The following PIP5K1B variants were observed in gnomAD, a reference collection of about 807,000 sequenced individuals.
PIP5K1B encodes the protein phosphatidylinositol-4-phosphate 5-kinase type 1 beta.
In PIP5K1B, 42 loss-of-function variants were observed where a neutral mutation model predicts 67.0. That is an observed-to-expected ratio of 0.63 (90% CI 0.49 to 0.81). The LOEUF is 0.81. Among genes scored for constraint, PIP5K1B ranks in the 30% least tolerant of loss-of-function variants. The pLI is 0.00. For synonymous variants in PIP5K1B, 214 were observed against 231.4 expected (o/e 0.92, Z 0.68); for missense variants, 459 against 646.3 (o/e 0.71, Z 3.14).
At chr9:68,964,336 G>T (rs1450954247) in intron 14 of PIP5K1B, among the ~76,000 whole-genome samples, 1 of 152,172 alleles carries the variant, frequency 6.6e-6, no homozygotes, top group Non-Finnish European at 1.5e-5. Context: ...AGAAGTAAAG[G>T]CCCCTAAGGG....
chr9:68,756,148 A>G (rs1305408188), intron 2 of PIP5K1B, among the ~76,000 whole-genome samples: 2 of 152,182 alleles, frequency 1.3e-5, no homozygotes, highest in Non-Finnish European at 2.9e-5. Flanking sequence ...GCCTTTGGCC[A>G]TGTGTTATTT....
chr9:68,950,520 G>T (rs1445213673), intron 14 of PIP5K1B, among the ~76,000 whole-genome samples: 3 of 152,022 alleles, frequency 2.0e-5, no homozygotes, highest in Non-Finnish European at 4.4e-5. Flanking sequence ...TTTCCCTTTG[G>T]CCCAACCACT....
At chr9:68,724,128 G>A (rs985147846) in intron 1 of PIP5K1B, among the ~76,000 whole-genome samples, 1 of 151,916 alleles carries the variant, frequency 6.6e-6, no homozygotes, top group African/African-American at 2.4e-5. Flanking sequence ...TAAAGAAACT[G>A]TCCTTTCCCC....
intron 2 of PIP5K1B, among the ~76,000 whole-genome samples, chr9:68,768,638 A>C (rs1830544141): frequency 6.6e-6 from 1 of 152,212 alleles, no homozygotes; most frequent in Non-Finnish European, 1.5e-5. Flanking sequence ...TTTGTTTTTT[A>C]GTTCAACATC....
chr9:68,920,826 A>ACACACACG (rs1775232588), intron 11 of PIP5K1B, among the ~76,000 whole-genome samples: 1 of 151,592 alleles, frequency 6.6e-6, no homozygotes, highest in East Asian at 1.9e-4. Context: ...ACACACACAC[A>ACACACACG]CACACGCAGT....
chr9:68,793,177 A>C (rs1832093799), intron 2 of PIP5K1B, among the ~76,000 whole-genome samples: 1 of 99,952 alleles, frequency 1.0e-5, no homozygotes, highest in Non-Finnish European at 2.4e-5. Context: ...GAAGGGAAAA[A>C]TAGTTAGAGG....
At chr9:68,939,801 A>G (rs1029702525) in intron 13 of PIP5K1B, among the ~76,000 whole-genome samples, 2 of 152,224 alleles carry the variant, frequency 1.3e-5, no homozygotes, top group Non-Finnish European at 2.9e-5. Context: ...GTCGGTTTAT[A>G]TTTACACACT....
chr9:68,771,658 G>A (rs1219247452), intron 2 of PIP5K1B, among the ~76,000 whole-genome samples: 1 of 152,162 alleles, frequency 6.6e-6, no homozygotes, highest in Non-Finnish European at 1.5e-5. Flanking sequence ...CTCTGGCTGG[G>A]TGTGAACTAC....
intron 1 of PIP5K1B, among the ~76,000 whole-genome samples, chr9:68,711,302 T>C (rs571073139): frequency 2.2e-4 from 33 of 152,228 alleles, no homozygotes; most frequent in Non-Finnish European, 4.1e-4. Context: ...CATTGTGCTC[T>C]CTGGATCACT....
chr9:68,951,028 G>C (rs1344471986), intron 14 of PIP5K1B, among the ~76,000 whole-genome samples: 1 of 152,174 alleles, frequency 6.6e-6, no homozygotes, highest in Non-Finnish European at 1.5e-5. Flanking sequence ...TGATAGTTAT[G>C]GGTGCAGGAG....
chr9:68,996,578 A>G (rs780250690), intron 15 of PIP5K1B, among the ~76,000 whole-genome samples: 4 of 152,232 alleles, frequency 2.6e-5, no homozygotes, highest in Non-Finnish European at 4.4e-5. Flanking sequence ...AGTCTTCATA[A>G]TAGAGCAAGA....
chr9:68,885,277 G>A (rs2132358905), intron 6 of PIP5K1B, among the ~76,000 whole-genome samples: 1 of 152,284 alleles, frequency 6.6e-6, no homozygotes, highest in African/African-American at 2.4e-5. Context: ...TGAAGTAGAG[G>A]AGAATGATGA....
intron 2 of PIP5K1B, among the ~76,000 whole-genome samples, chr9:68,807,012 C>A (rs1006845056): frequency 8.8e-5 from 13 of 147,034 alleles, no homozygotes; most frequent in African/African-American, 3.3e-4. Context: ...AGCTCTCTGA[C>A]TGTGATGATT....
intron 15 of PIP5K1B, among the ~76,000 whole-genome samples, chr9:69,007,708 T>C (rs1030474718): frequency 6.6e-6 from 1 of 152,048 alleles, no homozygotes; most frequent in Non-Finnish European, 1.5e-5. Flanking sequence ...ATACAAAAAA[T>C]TAGCCAGGCG....
Position 68,866,602 on chromosome 9 carries a change from C to T in PIP5K1B, c.200+2635C>T, listed in dbSNP as rs75414742. Among the ~76,000 whole-genome samples the T allele has an allele frequency of 1.7e-4, 26 of 152,200 alleles. No individual in the cohort carries two copies. The East Asian group carries it at 4.2e-3, about 25-fold the overall frequency. The stretch of plus-strand genomic sequence containing the variant: ...TGGATTAAGTTAGATTTAAATTGTC[C>T]GATAGAGAACTGTGCATACAATTAC... On this transcript the variant is annotated intron_variant, in intron 5 of 15. Coordinates refer to ENST00000265382, the MANE Select transcript of PIP5K1B (RefSeq NM_003558.4).
At chr9:68,846,860 A>G (rs1176063435) in intron 4 of PIP5K1B, among the ~76,000 whole-genome samples, 1 of 152,208 alleles carries the variant, frequency 6.6e-6, no homozygotes, top group African/African-American at 2.4e-5. Context: ...ACTGGTAGAG[A>G]TTTGAAAGGA....
chr9:68,869,341 A>G (rs1485222968), intron 5 of PIP5K1B, among the ~76,000 whole-genome samples: 1 of 152,176 alleles, frequency 6.6e-6, no homozygotes, highest in African/African-American at 2.4e-5. Flanking sequence ...TTTGCTCCTT[A>G]TGAGAATGTA....
chr9:68,868,822 T>C (rs190294809), intron 5 of PIP5K1B, among the ~76,000 whole-genome samples: 2 of 152,324 alleles, frequency 1.3e-5, no homozygotes, highest in African/African-American at 4.8e-5. Flanking sequence ...TTTCAGTCTC[T>C]TCACTTGTAA....
intron 2 of PIP5K1B, among the ~76,000 whole-genome samples, chr9:68,800,133 G>T (rs954961195): frequency 3.9e-5 from 6 of 152,172 alleles, no homozygotes; most frequent in African/African-American, 1.4e-4. Flanking sequence ...CCCATATCAG[G>T]TTCCTTAGAG....
Sources: allele counts gnomAD v4.1 joint callset (sites outside exome capture counted in the v4.1 genomes callset), GRCh38; gene constraint gnomAD v4.1.1; transcripts MANE v1.5; gene names NCBI Gene and HGNC (gene_info 2026-07-23, HGNC 2026-07-21).